The following GK5 variants were observed in gnomAD, a reference collection of about 807,000 sequenced individuals.
GK5 encodes ATP:glycerol 3-phosphotransferase 5.
In GK5, 39 loss-of-function variants were observed where a neutral mutation model predicts 77.3. That is an observed-to-expected ratio of 0.50 (90% confidence interval 0.39 to 0.66). GK5 has a LOEUF of 0.66. Among genes scored for constraint, GK5 ranks in the 30% least tolerant of loss-of-function variants. The pLI is 0.00. For synonymous variants in GK5, 211 were observed against 208.0 expected (o/e 1.01, Z -0.13); for missense variants, 487 against 633.8 (o/e 0.77, Z 2.49).
At chr3:142,174,907 G>A (rs896976511) in intron 12 of GK5, among the ~76,000 whole-genome samples, 1 of 152,208 alleles carries the variant, frequency 6.6e-6, no homozygotes, top group Non-Finnish European at 1.5e-5. Flanking sequence ...GGTAGAGGAA[G>A]GTTGTATGTG....
At chr3:142,180,642 TTCTC>T (rs370832833) in intron 11 of GK5, among the ~76,000 whole-genome samples, 1 of 151,088 alleles carries the variant, frequency 6.6e-6, no homozygotes, top group Non-Finnish European at 1.5e-5. Flanking sequence ...CCTTCTTTCC[TTCTC>T]TCTCTCTCTG....
At chr3:142,224,989 T>TCAC (rs1348821497) in intron 1 of GK5, among the ~76,000 whole-genome samples, 1 of 152,096 alleles carries the variant, frequency 6.6e-6, no homozygotes, top group East Asian at 1.9e-4. Context: ...GTCCGGCGAG[T>TCAC]CACCTCAGTC....
rs1348507925 is a variant in GK5, at chr3:142,163,332, T to G, written c.*2290A>C. 1 of 151,102 alleles carries G rather than the reference T, an allele frequency of 6.6e-6. No homozygotes were observed. Among genetic ancestry groups the G allele is most frequent in the African/African-American group, 2.4e-5 (1 of 41,068 alleles). 9.4% of individuals were successfully genotyped at this position (151,102 alleles called of 1,614,324 possible). On this transcript the variant is annotated 3_prime_UTR_variant, in exon 16 of 16. Coordinates refer to ENST00000392993, the MANE Select transcript of GK5 (RefSeq NM_001039547.3). Reference sequence around the variant, plus strand: ...CTCTGTTGCCCAGGCTACAGTGCAGTGGCATGATCTTGGCTCACTGCAACT... The same window carrying G: ...CTCTGTTGCCCAGGCTACAGTGCAGGGGCATGATCTTGGCTCACTGCAACT...
chr3:142,181,109 C>A (rs189551684), intron 11 of GK5, among the ~76,000 whole-genome samples: 1 of 152,136 alleles, frequency 6.6e-6, no homozygotes, highest in South Asian at 2.1e-4. Flanking sequence ...TCGTAAAATA[C>A]CTGTACTTCG....
rs769175044 is a variant in GK5, at chr3:142,163,823, C to T, written c.*1799G>A. On this transcript the variant is annotated 3_prime_UTR_variant, in exon 16 of 16. Coordinates refer to ENST00000392993, the MANE Select transcript of GK5 (RefSeq NM_001039547.3). ...CTACCCTGGGCAACACAGCAAGACC[C>T]TGTCTCTACAAAAAAAGAAAAAGAA... 1.3e-4 allele frequency: 19 copies of T among 151,854 alleles called. No homozygotes were observed. Among genetic ancestry groups the T allele is most frequent in the Non-Finnish European group, 2.5e-4 (17 of 67,980 alleles). The allele number at this position is 151,854 out of a possible 1,614,324, so 9.4% of individuals were successfully genotyped here.
At chr3:142,199,481 T>C (rs997709929) in intron 4 of GK5, among the ~76,000 whole-genome samples, 7 of 152,150 alleles carry the variant, frequency 4.6e-5, no homozygotes, top group African/African-American at 1.7e-4. Flanking sequence ...TATCTTAGCT[T>C]CAATCTGCCT....
At chr3:142,215,569 G>A (rs1221566781) in intron 2 of GK5, 30 bp downstream of exon 2, 3 of 1,174,178 alleles carry the variant, frequency 2.6e-6, no homozygotes, top group South Asian at 2.8e-5. Flanking sequence ...AAACCATAAA[G>A]ATTATTGTTA....
At chr3:142,169,305 AT>A (rs1317386920) in intron 15 of GK5, among the ~76,000 whole-genome samples, 6 of 152,208 alleles carry the variant, frequency 3.9e-5, no homozygotes, top group Admixed American at 3.3e-4. Flanking sequence ...TTGGACTTCC[AT>A]GGTCATCTCT....
intron 9 of GK5, chr3:142,185,712 T>G: frequency 6.7e-7 from 1 of 1,488,960 alleles, no homozygotes; most frequent in Non-Finnish European, 8.9e-7. Flanking sequence ...GGTTATAAAG[T>G]ACTTCCATGA....
At chr3:142,189,457 A>T (rs2063818647) in intron 5 of GK5, among the ~76,000 whole-genome samples, 1 of 152,226 alleles carries the variant, frequency 6.6e-6, no homozygotes, top group South Asian at 2.1e-4. Flanking sequence ...ACTCTTGTTA[A>T]ATTTAGAAAT....
At position 142,165,469 on chromosome 3, in the gene GK5, G is replaced by A. The variant is rs2063463368; in HGVS notation, c.*153C>T. ...GAAAAAAATAAGAGTTTTTTGTTCC[G>A]TTTTGTTTTTTTAAAAGCAATGCTT... is the stretch of plus-strand genomic sequence containing the variant. On this transcript the variant is annotated 3_prime_UTR_variant, in exon 16 of 16. Transcript: ENST00000392993. 9.5e-6 allele frequency: 5 copies of A among 526,242 alleles called. No homozygotes were observed. Among genetic ancestry groups the A allele is most frequent in the South Asian group, 1.0e-4 (2 of 19,978 alleles). 32.6% of individuals were successfully genotyped at this position (526,242 alleles called of 1,614,324 possible). A position where few individuals can be genotyped will look rare whatever the true frequency, so the allele number is the denominator to read the frequency against.
At chr3:142,194,113 G>A (rs200477029) in intron 5 of GK5, among the ~76,000 whole-genome samples, 1 of 152,192 alleles carries the variant, frequency 6.6e-6, no homozygotes, top group African/African-American at 2.4e-5. Flanking sequence ...AGCTGTGTGC[G>A]GCGGGTCACA....
chr3:142,172,905 A>G (rs2063557723), intron 12 of GK5, among the ~76,000 whole-genome samples: 1 of 152,226 alleles, frequency 6.6e-6, no homozygotes, highest in Non-Finnish European at 1.5e-5. Flanking sequence ...GTTGTCAGAC[A>G]TTAAAACTAT....
intron 15 of GK5, among the ~76,000 whole-genome samples, chr3:142,166,890 G>A (rs1172476924): frequency 6.6e-6 from 1 of 152,152 alleles, no homozygotes; most frequent in Non-Finnish European, 1.5e-5. Context: ...TATCTTATTA[G>A]TAAGCTTGGC....
chr3:142,221,159 T>G (rs544185581), intron 1 of GK5, among the ~76,000 whole-genome samples: 1 of 151,822 alleles, frequency 6.6e-6, no homozygotes, highest in Non-Finnish European at 1.5e-5. Context: ...ATATGGGGAG[T>G]ATAAGTGTTA....
Position 142,170,343 on chromosome 3 carries a change from G to C in GK5, c.1423C>G (p.Leu475Val). ...IDMSCLGAAS[L>V]AGLAVGFWTD... ...CACATACCAACAGCAAGGCCAGCTA[G>C]AGAAGCTGCACCCAGGCATGACATG... The change falls in exon 15 of 16, where the codon CTA becomes GTA. Residue 475 changes from leucine (L) to valine (V), a missense_variant. By Grantham distance (32) the Leu-to-Val change is conservative (BLOSUM62 1). Transcript: ENST00000392993. The C allele has an allele frequency of 6.2e-7, 1 of 1,614,066 alleles. No homozygotes were observed. The highest frequency in any genetic ancestry group is 8.5e-7 in the Non-Finnish European group (1 of 1,179,992).
In GK5 at chr3:142,163,009, A is replaced by AG. The variant is rs1257698599; in HGVS notation, c.*2612_*2613insC. The AG allele has an allele frequency of 6.6e-6, 1 of 151,854 alleles. No homozygotes were observed. Among genetic ancestry groups the AG allele is most frequent in the African/African-American group, 2.4e-5 (1 of 41,334 alleles). The allele number at this position is 151,854 out of a possible 1,614,324, so 9.4% of individuals were successfully genotyped here. ...TGACAATGTCTCAAAAAAAAAAAAA[A>AG]AAAAGAAAGGACAATTTTGTTGCTC... On this transcript the variant is annotated 3_prime_UTR_variant, in exon 16 of 16. Transcript: ENST00000392993.
chr3:142,201,300 A>G (rs2064017742), intron 4 of GK5, among the ~76,000 whole-genome samples: 1 of 152,252 alleles, frequency 6.6e-6, no homozygotes, highest in Non-Finnish European at 1.5e-5. Context: ...CAGCAACAGA[A>G]AGGAATAAAC....
Position 142,165,670 on chromosome 3 carries a change from G to C in GK5, c.1542C>G (p.Asn514Lys), listed in dbSNP as rs1346317478. ...TGGAGCGTTTCACTGCTTTGGCCCA[G>C]TTTTCCAGACTCATTTCATATTCTT... ...KCQEYEMSLENWAKAVKRSMN... is the reference protein window; with the variant it reads ...KCQEYEMSLEKWAKAVKRSMN... Residue 514 changes from asparagine (N) to lysine (K), a missense_variant, in exon 16 of 16, where the codon AAC becomes AAG. Asn to Lys is a moderately conservative substitution (Grantham distance 94). Coordinates refer to ENST00000392993, the MANE Select transcript of GK5 (RefSeq NM_001039547.3). 1 of 1,613,036 alleles carries C rather than the reference G, an allele frequency of 6.2e-7. No individual in the cohort carries two copies. Among genetic ancestry groups the C allele is most frequent in the Non-Finnish European group, 8.5e-7 (1 of 1,179,584 alleles).
Sources: gnomAD v4.1 joint callset for allele counts (sites outside exome capture counted in the v4.1 genomes callset) on GRCh38, gnomAD v4.1.1 for gene constraint, MANE v1.5 for transcripts, NCBI Gene and HGNC (gene_info 2026-07-23, HGNC 2026-07-21) for gene names.